CYFIP1: variants seen among roughly 807,000 people sequenced by gnomAD.
CYFIP1 encodes cytoplasmic FMR1-interacting protein 1.
In CYFIP1, 58 loss-of-function variants were observed where a neutral mutation model predicts 163.5. That is an observed-to-expected ratio of 0.35 (90% CI 0.29 to 0.44). The LOEUF (loss-of-function observed/expected upper bound fraction) is 0.44. Ranked by LOEUF, CYFIP1 falls within the 20% of genes least tolerant of loss-of-function variation. The probability of loss-of-function intolerance (pLI) is 1.00; values close to 1 mark genes in which losing one functional copy is unlikely to be tolerated. For missense variants in CYFIP1, 1,338 were observed against 1,653.8 expected (o/e 0.81, Z 3.31); for synonymous variants, 663 against 660.7 (o/e 1.00, Z -0.05).
Position 22,882,917 on chromosome 15 carries a change from TG to T in CYFIP1, c.2770del (p.Gln924ArgfsTer11). The T allele has an allele frequency of 6.2e-7, 1 of 1,613,984 alleles. No homozygotes were observed. Among genetic ancestry groups the T allele is most frequent in the Non-Finnish European group, 8.5e-7 (1 of 1,179,940 alleles). ...FQVICRLLGY[Q>X]GIAVVMEELL... ...CTCCTCCATGACCACGGCGATACCC[TG>T]GTAGCCGAGAAGCCGGCAGATGACT... On this transcript the variant is annotated frameshift_variant, in exon 24 of 31. Coordinates refer to ENST00000617928, the MANE Select transcript of CYFIP1 (RefSeq NM_014608.6). LOFTEE classifies it high-confidence loss of function.
At position 22,917,781 on chromosome 15, in the gene CYFIP1, C is replaced by G. The variant is rs571760306; in HGVS notation, c.1674+7G>C. On this transcript the variant is annotated splice_region_variant and intron_variant, in intron 15 of 30. Coordinates refer to ENST00000617928, the MANE Select transcript of CYFIP1 (RefSeq NM_014608.6). The surrounding 1 kb of genome is among the most constrained non-coding windows in gnomAD (Gnocchi z 4.2). ...GAGGGTGCAGGCGGGGCTCAAGGGA[C>G]GAGAACCTGAGTGCTGGAGGGTCCC... 2 of 1,596,870 alleles carry G rather than the reference C, an allele frequency of 1.3e-6. No homozygotes were observed. The highest frequency in any genetic ancestry group is 1.1e-5 in the South Asian group (1 of 87,762).
intron 13 of CYFIP1, among the ~76,000 whole-genome samples, chr15:22,921,548 G>A (rs114343091): frequency 0.043 from 6,568 of 151,864 alleles, 485 homozygotes; most frequent in African/African-American, 0.15. Context: ...AGGCACAGTA[G>A]CTCACGCCTG....
chr15:22,930,409 A>AC (rs2061503045), intron 11 of CYFIP1, among the ~76,000 whole-genome samples: 2 of 149,990 alleles, frequency 1.3e-5, no homozygotes, highest in Non-Finnish European at 3.0e-5. Context: ...AAAAAAAAAA[A>AC]AAACTGTACT....
At chr15:22,909,492 T>A (rs894427644) in intron 20 of CYFIP1, among the ~76,000 whole-genome samples, 179 bp from the exon 21 acceptor site, 1 of 152,166 alleles carries the variant, frequency 6.6e-6, no homozygotes, top group Non-Finnish European at 1.5e-5. Context: ...TTACAGGTGT[T>A]ATGACGATAA....
intron 11 of CYFIP1, among the ~76,000 whole-genome samples, chr15:22,928,446 G>T (rs952682649): frequency 2.0e-5 from 3 of 151,890 alleles, no homozygotes; most frequent in Non-Finnish European, 2.9e-5. Context: ...AAGAAAATAA[G>T]AAATGCTGTG....
intron 3 of CYFIP1, among the ~76,000 whole-genome samples, chr15:22,946,480 A>G (rs1303954926): frequency 6.6e-6 from 1 of 151,902 alleles, no homozygotes; most frequent in African/African-American, 2.4e-5. Flanking sequence ...GTCTCTACTA[A>G]AAATGCACAA....
At chr15:22,973,987 C>T (rs1294162823) in intron 1 of CYFIP1, among the ~76,000 whole-genome samples, 1 of 152,176 alleles carries the variant, frequency 6.6e-6, no homozygotes, top group African/African-American at 2.4e-5. Flanking sequence ...TCACCTCACA[C>T]CTGTCAGACT....
At chr15:22,922,254 CTG>C (rs1345576109) in intron 13 of CYFIP1, among the ~76,000 whole-genome samples, 1 of 152,192 alleles carries the variant, frequency 6.6e-6, no homozygotes, top group Non-Finnish European at 1.5e-5. Flanking sequence ...TAGTGACCTC[CTG>C]TGTGTGTTTT....
chr15:22,876,967 C>T (rs563951805), intron 26 of CYFIP1, among the ~76,000 whole-genome samples: 3 of 152,186 alleles, frequency 2.0e-5, no homozygotes, highest in East Asian at 3.8e-4. Flanking sequence ...GGCTGTCTCC[C>T]CATTAAGAAA....
chr15:22,910,634 G>A lies in CYFIP1; in HGVS notation c.2160-6C>T. ...ACCGTTTATCAAGAAGCAAACTAGT[G>A]TAGAAGGAAGACAGAAAGTTTTTCA... On this transcript the variant is annotated splice_polypyrimidine_tract_variant and splice_region_variant and intron_variant, in intron 19 of 30. Coordinates refer to ENST00000617928, the MANE Select transcript of CYFIP1 (RefSeq NM_014608.6). 6.2e-7 allele frequency: 1 copy of A among 1,613,046 alleles called. No individual in the cohort carries two copies. Among genetic ancestry groups the A allele is most frequent in the Non-Finnish European group, 8.5e-7 (1 of 1,178,978 alleles).
At position 22,928,103 on chromosome 15, in the gene CYFIP1, A is replaced by G. The variant is rs538991330; in HGVS notation, c.1111-75T>C. 27 of 1,406,810 alleles carry G rather than the reference A, an allele frequency of 1.9e-5. No homozygotes were observed. In the African/African-American group the frequency reaches 3.9e-4, roughly 20 times the overall value. The allele number at this position is 1,406,810 out of a possible 1,614,324, so 87.1% of individuals were successfully genotyped here. Reference sequence around the variant, plus strand: ...TCCCCCCATCCCGGGATCCACCATGAGAATCCACCCCAAAGTCACACGTGT... The same window carrying G: ...TCCCCCCATCCCGGGATCCACCATGGGAATCCACCCCAAAGTCACACGTGT... On this transcript the variant is annotated intron_variant, in intron 11 of 30. Coordinates refer to ENST00000617928, the MANE Select transcript of CYFIP1 (RefSeq NM_014608.6).
At chr15:22,937,267 AT>A in intron 8 of CYFIP1, 59 bp from the exon 9 acceptor site, 1 of 1,002,478 alleles carries the variant, frequency 1.0e-6, no homozygotes, top group Non-Finnish European at 1.6e-6. Context: ...TTCACTACCC[AT>A]AAGGACTTAC....
chr15:22,910,505 C>G lies in CYFIP1; in HGVS notation c.2268+15G>C, dbSNP rs2060748960. On this transcript the variant is annotated intron_variant, in intron 20 of 30. Transcript: ENST00000617928. Reference sequence around the variant, plus strand: ...GCACACTCTACGTCCCCACCACAGCCCGGCCCCAGCTCACCTGCACATGCC... The same window carrying G: ...GCACACTCTACGTCCCCACCACAGCGCGGCCCCAGCTCACCTGCACATGCC... 1 of 1,607,480 alleles carries G rather than the reference C, an allele frequency of 6.2e-7. No homozygotes were observed. Among genetic ancestry groups the G allele is most frequent in the Non-Finnish European group, 8.5e-7 (1 of 1,174,024 alleles).
chr15:22,883,704 C>T (rs2059844592), intron 23 of CYFIP1, among the ~76,000 whole-genome samples: 1 of 150,826 alleles, frequency 6.6e-6, no homozygotes. Flanking sequence ...GTAGTCCCAG[C>T]TACTCGGGAG....
intron 9 of CYFIP1, among the ~76,000 whole-genome samples, chr15:22,935,831 T>C (rs1005278018): frequency 6.6e-6 from 1 of 152,198 alleles, no homozygotes; most frequent in East Asian, 1.9e-4. Flanking sequence ...CATGTTAAAT[T>C]AGCTTGAATT....
Position 22,868,268 on chromosome 15 carries a change from T to C in CYFIP1, c.*1760A>G, listed in dbSNP as rs1417044782. On this transcript the variant is annotated 3_prime_UTR_variant, in exon 31 of 31. Transcript: ENST00000617928. ...TACTACAGATGTACTACGTATCTGT[T>C]TATATACTGTACCTACATCTGTGCT... The C allele has an allele frequency of 6.6e-6, 1 of 152,236 alleles. No individual in the cohort carries two copies. The highest frequency in any genetic ancestry group is 2.4e-5 in the African/African-American group (1 of 41,450). The allele number at this position is 152,236 out of a possible 1,614,324, so 9.4% of individuals were successfully genotyped here. A position where few individuals can be genotyped will look rare whatever the true frequency, so the allele number is the denominator to read the frequency against.
At chr15:22,949,793 C>A (rs1238729922) in intron 1 of CYFIP1, among the ~76,000 whole-genome samples, 1 of 151,838 alleles carries the variant, frequency 6.6e-6, no homozygotes, top group Non-Finnish European at 1.5e-5. Flanking sequence ...AGATCCTCAG[C>A]AGAATATGAA....
At chr15:22,970,255 C>G (rs1217942369) in intron 1 of CYFIP1, among the ~76,000 whole-genome samples, 17 of 152,038 alleles carry the variant, frequency 1.1e-4, no homozygotes, top group Admixed American at 1.1e-3. Context: ...AGGTGAAAGA[C>G]TTACACACTA....
At chr15:22,937,432 C>A (rs890642470) in intron 8 of CYFIP1, among the ~76,000 whole-genome samples, 1 of 151,982 alleles carries the variant, frequency 6.6e-6, no homozygotes, top group Non-Finnish European at 1.5e-5. Context: ...TCGCTAAAAG[C>A]GGAAAAAACA....
Sources: gnomAD v4.1 joint callset for allele counts (sites outside exome capture counted in the v4.1 genomes callset) on GRCh38, gnomAD v4.1.1 for gene constraint, Gnocchi (gnomAD v3.1) non-coding constraint, MANE v1.5 for transcripts, NCBI Gene and HGNC (gene_info 2026-07-23, HGNC 2026-07-21) for gene names.